DLG2: variants seen among roughly 807,000 people sequenced by gnomAD.
The protein encoded by DLG2 is discs large MAGUK scaffold protein 2.
Under a neutral mutation model 132.5 loss-of-function variants are expected in DLG2, and 45 were observed. The observed-to-expected ratio is 0.34, with a 90% confidence interval of 0.27 to 0.44. The LOEUF (loss-of-function observed/expected upper bound fraction) is 0.44. DLG2 is among the 20% of genes least tolerant of loss of function. The probability of loss-of-function intolerance (pLI) is 1.00; values close to 1 mark genes in which losing one functional copy is unlikely to be tolerated. For missense variants in DLG2, 1,045 were observed against 1,196.9 expected (o/e 0.87, Z 1.87); for synonymous variants, 424 against 419.6 (o/e 1.01, Z -0.13).
At chr11:84,458,813 C>A in intron 7 of DLG2, among the ~76,000 whole-genome samples, 1 of 150,454 alleles carries the variant, frequency 6.6e-6, no homozygotes, top group East Asian at 2.0e-4. Context: ...CTATCAATAT[C>A]TTTGTAATTA....
chr11:83,664,662 A>G (rs1177915570), intron 18 of DLG2, among the ~76,000 whole-genome samples: 4 of 152,144 alleles, frequency 2.6e-5, no homozygotes, highest in African/African-American at 9.7e-5. Flanking sequence ...TGCTCAATGA[A>G]TATTTGTTGA....
intron 6 of DLG2, among the ~76,000 whole-genome samples, chr11:84,835,844 A>T (rs1046269061): frequency 6.6e-6 from 1 of 151,834 alleles, no homozygotes; most frequent in Non-Finnish European, 1.5e-5. Context: ...CATGGTAAAC[A>T]GTGATCTAAA....
At chr11:85,607,222 G>T (rs559847883) in intron 2 of DLG2, among the ~76,000 whole-genome samples, 8 of 152,326 alleles carry the variant, frequency 5.3e-5, no homozygotes, top group Non-Finnish European at 7.3e-5. Context: ...AAAGACACGG[G>T]TGTCAGGCTT....
chr11:85,577,030 G>A (rs767988952), intron 3 of DLG2, among the ~76,000 whole-genome samples: 26 of 152,080 alleles, frequency 1.7e-4, no homozygotes, highest in Non-Finnish European at 3.7e-4. Flanking sequence ...GTAGGCAATG[G>A]GGGGCATGTT....
chr11:84,747,848 G>A (rs1465911583), intron 6 of DLG2, among the ~76,000 whole-genome samples: 1 of 152,192 alleles, frequency 6.6e-6, no homozygotes, highest in African/African-American at 2.4e-5. Context: ...ACAGATGTCT[G>A]AATAGTCAAC....
chr11:84,909,463 T>C (rs1323700338), intron 6 of DLG2, among the ~76,000 whole-genome samples: 1 of 152,204 alleles, frequency 6.6e-6, no homozygotes, highest in Non-Finnish European at 1.5e-5. Flanking sequence ...TTTTAGAGTC[T>C]GTTTAGTGGG....
At chr11:84,697,489 T>A (rs2058737605) in intron 6 of DLG2, among the ~76,000 whole-genome samples, 1 of 151,528 alleles carries the variant, frequency 6.6e-6, no homozygotes, top group Non-Finnish European at 1.5e-5. Context: ...TAATTTTTTT[T>A]AGAAAAACAC....
chr11:84,719,181 A>G lies in DLG2; in HGVS notation c.358-184450T>C, dbSNP rs553590141. Among the ~76,000 whole-genome samples, 5 of 152,334 alleles carry G rather than the reference A, an allele frequency of 3.3e-5. No homozygotes were observed. The South Asian group carries it at 6.2e-4, about 19-fold the overall frequency. ...CGTTAAGCTTACACCTCCTGTGAGCACTATCCATGAAGTTCAGTGTGTGTG... is the reference window on the plus strand; with the variant it reads ...CGTTAAGCTTACACCTCCTGTGAGCGCTATCCATGAAGTTCAGTGTGTGTG... On this transcript the variant is annotated intron_variant, in intron 6 of 27. Transcript: ENST00000376104.
chr11:84,202,305 A>T (rs1228070894), intron 8 of DLG2, among the ~76,000 whole-genome samples: 1 of 152,170 alleles, frequency 6.6e-6, no homozygotes, highest in Admixed American at 6.5e-5. Context: ...GAATCCAGAG[A>T]TGAGATTTCA....
intron 15 of DLG2, among the ~76,000 whole-genome samples, chr11:83,889,113 A>G (rs936669917): frequency 6.6e-6 from 1 of 152,154 alleles, no homozygotes; most frequent in African/African-American, 2.4e-5. Flanking sequence ...AATGGGATCT[A>G]ATTAAACTAA....
intron 5 of DLG2, among the ~76,000 whole-genome samples, chr11:85,128,033 A>C (rs146557188): frequency 6.6e-6 from 1 of 152,262 alleles, no homozygotes; most frequent in East Asian, 1.9e-4. Flanking sequence ...TATTTACAAA[A>C]CAGATGTAGT....
At chr11:85,075,432 T>C (rs1258184426) in intron 6 of DLG2, among the ~76,000 whole-genome samples, 1 of 151,904 alleles carries the variant, frequency 6.6e-6, no homozygotes, top group African/African-American at 2.4e-5. Context: ...TAGGTAGAAA[T>C]GTGGTATAGC....
intron 15 of DLG2, among the ~76,000 whole-genome samples, chr11:83,923,965 T>C (rs2078446746): frequency 6.6e-6 from 1 of 152,084 alleles, no homozygotes; most frequent in Admixed American, 6.6e-5. Flanking sequence ...CAGCTGCCTT[T>C]TTCTCCAACC....
chr11:83,842,611 G>C (rs2057834260), intron 16 of DLG2, among the ~76,000 whole-genome samples: 1 of 150,292 alleles, frequency 6.7e-6, no homozygotes, highest in African/African-American at 2.4e-5. Flanking sequence ...GGTGGATCAC[G>C]AGGTCAGGAT....
At chr11:85,608,181 G>T (rs1442214145) in intron 2 of DLG2, among the ~76,000 whole-genome samples, 2 of 152,082 alleles carry the variant, frequency 1.3e-5, no homozygotes, top group Non-Finnish European at 2.9e-5. Context: ...GGCATGGGGA[G>T]AAACAAACCA....
intron 7 of DLG2, among the ~76,000 whole-genome samples, chr11:84,356,597 A>C (rs1029178812): frequency 2.0e-5 from 3 of 152,156 alleles, no homozygotes; most frequent in African/African-American, 4.8e-5. Flanking sequence ...TATCTGATTT[A>C]TAATCATGAT....
At chr11:85,392,318 C>T (rs7128961) in intron 3 of DLG2, among the ~76,000 whole-genome samples, 3 of 151,790 alleles carry the variant, frequency 2.0e-5, no homozygotes, top group Middle Eastern at 3.2e-3. Context: ...ATATCCCATG[C>T]TTAAGGATGG....
chr11:85,466,883 C>T (rs2092809858), intron 3 of DLG2, among the ~76,000 whole-genome samples: 1 of 152,164 alleles, frequency 6.6e-6, no homozygotes, highest in Non-Finnish European at 1.5e-5. Flanking sequence ...GGCATTGAAT[C>T]TATTAATTAC....
chr11:84,357,025 A>T (rs1045619934), intron 7 of DLG2, among the ~76,000 whole-genome samples: 3 of 152,018 alleles, frequency 2.0e-5, no homozygotes, highest in African/African-American at 7.2e-5. Flanking sequence ...GTGAGCAAAG[A>T]ATGTAGGTGG....
Sources: allele counts gnomAD v4.1 joint callset (sites outside exome capture counted in the v4.1 genomes callset), GRCh38; gene constraint gnomAD v4.1.1; transcripts MANE v1.5; gene names NCBI Gene and HGNC (gene_info 2026-07-23, HGNC 2026-07-21).